Variants in CNTNAP5 observed in about 807,000 individuals in gnomAD.
CNTNAP5 encodes contactin-associated protein-like 5.
Under a neutral mutation model 150.2 loss-of-function variants are expected in CNTNAP5, and 72 were observed. The observed-to-expected ratio is 0.48, with a 90% CI of 0.40 to 0.58. CNTNAP5 has a LOEUF of 0.58. Ranked by LOEUF, CNTNAP5 falls within the 20% of genes least tolerant of loss-of-function variation. The probability of loss-of-function intolerance (pLI) is 0.00; values close to 1 mark genes in which losing one functional copy is unlikely to be tolerated. For synonymous variants in CNTNAP5, 672 were observed against 619.8 expected (o/e 1.08, Z -1.25); for missense variants, 1,636 against 1,626.2 (o/e 1.01, Z -0.10).
At chr2:124,686,993 G>A (rs934775078) in intron 13 of CNTNAP5, among the ~76,000 whole-genome samples, 6 of 151,976 alleles carry the variant, frequency 3.9e-5, no homozygotes, top group African/African-American at 1.5e-4. Context: ...CCCTGTGGGT[G>A]TAGAGCACTT....
intron 12 of CNTNAP5, among the ~76,000 whole-genome samples, chr2:124,633,997 T>G (rs2219107): frequency 0.43 from 65,127 of 152,034 alleles, 15,828 homozygotes; most frequent in Non-Finnish European, 0.56. Flanking sequence ...CATGAAACCA[T>G]TCTGTCCTCC....
intron 3 of CNTNAP5, among the ~76,000 whole-genome samples, chr2:124,281,699 A>T (rs953879174): frequency 2.0e-5 from 3 of 152,160 alleles, no homozygotes; most frequent in Admixed American, 1.3e-4. Context: ...TAAGAACAGG[A>T]GAAATGAGCT....
chr2:124,607,147 A>T (rs1677250345), intron 11 of CNTNAP5, among the ~76,000 whole-genome samples: 1 of 152,242 alleles, frequency 6.6e-6, no homozygotes, highest in South Asian at 2.1e-4. Context: ...GAAGGATTCT[A>T]AAACAACACC....
At chr2:124,277,982 C>T (rs1480003324) in intron 3 of CNTNAP5, among the ~76,000 whole-genome samples, 1 of 152,136 alleles carries the variant, frequency 6.6e-6, no homozygotes, top group Non-Finnish European at 1.5e-5. Flanking sequence ...GAAACAGCCA[C>T]GTCATTGTGT....
intron 1 of CNTNAP5, among the ~76,000 whole-genome samples, chr2:124,103,918 A>G (rs886823659): frequency 6.8e-6 from 1 of 147,684 alleles, no homozygotes; most frequent in East Asian, 1.9e-4. Flanking sequence ...GTATTTCTAT[A>G]TAGATTATAT....
chr2:124,232,600 A>G (rs1430717721), intron 2 of CNTNAP5, among the ~76,000 whole-genome samples: 2 of 152,142 alleles, frequency 1.3e-5, no homozygotes, highest in East Asian at 3.9e-4. Context: ...TCCTTCTTTC[A>G]TGGTGACCCC....
chr2:124,120,854 C>G (rs13402197), intron 1 of CNTNAP5, among the ~76,000 whole-genome samples: 20,518 of 152,154 alleles, frequency 0.13, 1,476 homozygotes, highest in Middle Eastern at 0.23. Context: ...CCTGGGTATG[C>G]AATCACCCAT....
intron 5 of CNTNAP5, among the ~76,000 whole-genome samples, chr2:124,440,922 AATAG>A (rs982888130): frequency 7.9e-5 from 12 of 152,134 alleles, no homozygotes; most frequent in African/African-American, 2.9e-4. Context: ...TAAAACTTAA[AATAG>A]ATATTCTAAG....
intron 12 of CNTNAP5, among the ~76,000 whole-genome samples, chr2:124,633,994 C>T (rs1159866031): frequency 6.6e-6 from 1 of 152,180 alleles, no homozygotes; most frequent in Non-Finnish European, 1.5e-5. Flanking sequence ...ACCCATGAAA[C>T]CATTCTGTCC....
intron 17 of CNTNAP5, among the ~76,000 whole-genome samples, chr2:124,780,897 A>G (rs1190473529): frequency 2.6e-5 from 4 of 152,246 alleles, no homozygotes; most frequent in South Asian, 2.1e-4. Flanking sequence ...GCCAGACTAT[A>G]TGATTGTTTT....
intron 3 of CNTNAP5, among the ~76,000 whole-genome samples, chr2:124,309,046 G>T (rs532450004): frequency 3.3e-5 from 5 of 152,108 alleles, no homozygotes; most frequent in Non-Finnish European, 7.4e-5. Flanking sequence ...CCCTATATAT[G>T]TTTTTTTCCT....
chr2:124,365,265 A>G (rs1331563424), intron 3 of CNTNAP5, among the ~76,000 whole-genome samples: 6 of 151,438 alleles, frequency 4.0e-5, no homozygotes, highest in African/African-American at 1.2e-4. Flanking sequence ...GCAGTGAACC[A>G]TGATTATGCC....
intron 1 of CNTNAP5, among the ~76,000 whole-genome samples, chr2:124,030,726 C>T (rs1681025281): frequency 6.6e-6 from 1 of 152,054 alleles, no homozygotes; most frequent in Admixed American, 6.6e-5. Flanking sequence ...ATAAGAGCCT[C>T]ATCTGGATGA....
intron 13 of CNTNAP5, among the ~76,000 whole-genome samples, chr2:124,717,453 A>G (rs772041599): frequency 6.6e-6 from 1 of 152,238 alleles, no homozygotes; most frequent in Non-Finnish European, 1.5e-5. Context: ...ATATTGGTTT[A>G]AATAGATTGA....
intron 13 of CNTNAP5, among the ~76,000 whole-genome samples, chr2:124,721,355 G>A (rs1168589290): frequency 6.6e-6 from 1 of 152,024 alleles, no homozygotes; most frequent in Non-Finnish European, 1.5e-5. Flanking sequence ...GCACTCACAT[G>A]TAATCCCAGC....
intron 13 of CNTNAP5, among the ~76,000 whole-genome samples, chr2:124,721,508 A>AATAC (rs1446781125): frequency 6.7e-6 from 1 of 149,378 alleles, no homozygotes; most frequent in African/African-American, 2.5e-5. Context: ...TAAATAAATA[A>AATAC]ATACATAAAT....
intron 22 of CNTNAP5, among the ~76,000 whole-genome samples, chr2:124,906,159 T>C (rs749022943): frequency 6.6e-6 from 1 of 152,154 alleles, no homozygotes; most frequent in Non-Finnish European, 1.5e-5. Flanking sequence ...TATCAACAAG[T>C]CAATATAATA....
At chr2:124,152,293 T>C (rs1236486251) in intron 1 of CNTNAP5, among the ~76,000 whole-genome samples, 1 of 152,230 alleles carries the variant, frequency 6.6e-6, no homozygotes, top group African/African-American at 2.4e-5. Context: ...AAATGCATAC[T>C]ATATGCTAGG....
intron 7 of CNTNAP5, among the ~76,000 whole-genome samples, chr2:124,491,244 A>G (rs1694017495): frequency 6.6e-6 from 1 of 152,068 alleles, no homozygotes; most frequent in Non-Finnish European, 1.5e-5. Flanking sequence ...CCTGACAAGT[A>G]CTGTTCTATT....
Sources: allele counts gnomAD v4.1 joint callset (sites outside exome capture counted in the v4.1 genomes callset), GRCh38; gene constraint gnomAD v4.1.1; transcripts MANE v1.5; gene names NCBI Gene and HGNC (gene_info 2026-07-23, HGNC 2026-07-21).